The following SMC6 variants were observed in gnomAD, a reference collection of about 807,000 sequenced individuals.
The protein encoded by SMC6 is structural maintenance of chromosomes protein 6.
A neutral mutation model predicts 142.2 loss-of-function variants in SMC6; 79 were observed. The observed-to-expected ratio is 0.56, with a 90% CI of 0.46 to 0.67. The LOEUF is 0.67. SMC6 is among the 30% of genes least tolerant of loss of function. The pLI is 0.00. For missense variants in SMC6, 1,072 were observed against 1,284.0 expected (o/e 0.83, Z 2.52); for synonymous variants, 411 against 412.4 (o/e 1.00, Z 0.04).
At chr2:17,744,335 G>C (rs542006666) in intron 3 of SMC6, among the ~76,000 whole-genome samples, 3 of 152,100 alleles carry the variant, frequency 2.0e-5, no homozygotes, top group Non-Finnish European at 4.4e-5. Flanking sequence ...TTTTTTGAGT[G>C]ATTGAAAATG....
intron 9 of SMC6, among the ~76,000 whole-genome samples, chr2:17,722,205 A>C (rs555016980): frequency 6.6e-6 from 1 of 152,186 alleles, no homozygotes; most frequent in Admixed American, 6.5e-5. Context: ...AGCTTAGACA[A>C]TTAGAAGCCA....
Position 17,716,206 on chromosome 2 carries a change from A to G in SMC6, c.1405T>C (p.Leu469=), listed in dbSNP as rs892668570. 7.4e-6 allele frequency: 12 copies of G among 1,612,514 alleles called. No homozygotes were observed. Among genetic ancestry groups the G allele is most frequent in the African/African-American group, 5.3e-5 (4 of 74,842 alleles). ...LSYNQRQLKE[L]KDSKTDRLKR... ...AGTCGATCAGTTTTACTATCTTTCA[A>G]TTCTTTCAGTTGCCTCTGATTGTAG... Residue 469 remains leucine, a synonymous_variant, in exon 15 of 28, where the codon TTG becomes CTG. Transcript: ENST00000448223.
At chr2:17,682,811 T>C (rs1206785810) in intron 24 of SMC6, among the ~76,000 whole-genome samples, 2 of 151,758 alleles carry the variant, frequency 1.3e-5, no homozygotes, top group Non-Finnish European at 2.9e-5. Context: ...CCTACTAATA[T>C]GCCTGTAAAA....
chr2:17,730,594 T>A (rs1464347720), intron 7 of SMC6, among the ~76,000 whole-genome samples: 1 of 147,246 alleles, frequency 6.8e-6, no homozygotes, highest in African/African-American at 2.6e-5. Context: ...TGTGTTGAAT[T>A]AATAAATTCT....
chr2:17,725,383 G>T (rs751855418), intron 8 of SMC6, 25 bp from the exon 9 acceptor site: 3 of 1,475,564 alleles, frequency 2.0e-6, no homozygotes, highest in Admixed American at 4.4e-5. Context: ...AAAAAAAAAC[G>T]CAATTAGGAG....
At chr2:17,733,168 T>C (rs1279917632) in intron 5 of SMC6, among the ~76,000 whole-genome samples, 2 of 152,208 alleles carry the variant, frequency 1.3e-5, no homozygotes, top group Admixed American at 6.5e-5. Flanking sequence ...TCTAAAACTG[T>C]TCCCATTTGT....
At position 17,745,820 on chromosome 2, in the gene SMC6, C is replaced by T. The variant is rs370247258; in HGVS notation, c.120+7G>A. 1.5e-5 allele frequency: 24 copies of T among 1,591,138 alleles called. No homozygotes were observed. Among genetic ancestry groups the T allele is most frequent in the African/African-American group, 9.5e-5 (7 of 73,654 alleles). ...CAAAAAGCATAATTTTGTAATTTTT[C>T]GCTTACCAAAGTAGTACCTTTACAT... On this transcript the variant is annotated splice_region_variant and intron_variant, in intron 3 of 27. Transcript: ENST00000448223.
intron 5 of SMC6, among the ~76,000 whole-genome samples, chr2:17,734,111 G>A (rs969007919): frequency 6.6e-6 from 1 of 152,072 alleles, no homozygotes; most frequent in Admixed American, 6.6e-5. Flanking sequence ...AAACCAATGG[G>A]AGGGAGAGGA....
rs919502877 is a variant in SMC6 at position 17,700,329 on chromosome 2, T to C, written c.2273A>G (p.His758Arg). The change falls in exon 21 of 28, where the codon CAT (histidine) becomes CGT (arginine). Residue 758 changes from histidine (H) to arginine (R), a missense_variant. Physicochemically the swap from His to Arg is conservative, Grantham distance 29. Transcript: ENST00000448223. ...NKSKMKMVEEHMEQQKENMEH... is the reference protein window; with the variant it reads ...NKSKMKMVEERMEQQKENMEH... Reference sequence around the variant, plus strand: ...CATATTTTCTTTTTGTTGCTCCATATGTTCCTCAACCATTTTCATTTTGCT... The same window carrying C: ...CATATTTTCTTTTTGTTGCTCCATACGTTCCTCAACCATTTTCATTTTGCT... 2.5e-6 allele frequency: 4 copies of C among 1,610,590 alleles called. No homozygotes were observed. The highest frequency in any genetic ancestry group is 2.2e-5 in the South Asian group (2 of 90,238).
intron 8 of SMC6, among the ~76,000 whole-genome samples, chr2:17,726,076 A>C (rs1264605706): frequency 8.6e-6 from 1 of 116,670 alleles, no homozygotes; most frequent in African/African-American, 3.5e-5. Context: ...AGACAGAGCA[A>C]GGCTCTGTCT....
chr2:17,679,764 T>C (rs1251139091), intron 24 of SMC6: 2 of 152,454 alleles, frequency 1.3e-5, no homozygotes, highest in Non-Finnish European at 2.9e-5. Context: ...ATGAGGCTCA[T>C]CTGTACCTTC....
At chr2:17,700,069 T>C (rs1412482494) in intron 21 of SMC6, 139 bp downstream of exon 21, 3 of 505,166 alleles carry the variant, frequency 5.9e-6, no homozygotes, top group Non-Finnish European at 1.0e-5. Context: ...GAAAGTTTGG[T>C]TCCCACCATT....
intron 16 of SMC6, among the ~76,000 whole-genome samples, chr2:17,709,485 T>C (rs1668714900): frequency 6.6e-6 from 1 of 152,182 alleles, no homozygotes. Flanking sequence ...GAGCAATGAA[T>C]GGCTGAGGAG....
At chr2:17,753,212 C>G in intron 1 of SMC6, 148 bp from the exon 2 acceptor site, 1 of 152,990 alleles carries the variant, frequency 6.5e-6, no homozygotes, top group Non-Finnish European at 1.4e-5. Context: ...TTTAAACACA[C>G]CAGTTGCCGC....
intron 26 of SMC6, 36 bp downstream of exon 26, chr2:17,670,387 A>C (rs901620454): frequency 6.3e-7 from 1 of 1,581,062 alleles, no homozygotes; most frequent in African/African-American, 1.4e-5. Flanking sequence ...CAAACAAACA[A>C]AAAAATGAAA....
chr2:17,680,100 T>C (rs771488581), intron 24 of SMC6: 1 of 152,156 alleles, frequency 6.6e-6, no homozygotes, highest in Non-Finnish European at 1.5e-5. Flanking sequence ...CTTCCATTCA[T>C]GGGATGTCTA....
intron 24 of SMC6, chr2:17,681,927 A>G (rs1667255993): frequency 6.6e-6 from 1 of 152,216 alleles, no homozygotes; most frequent in South Asian, 2.1e-4. Context: ...ATATTTGTAA[A>G]GTGCAGTAAA....
At chr2:17,699,346 A>G (rs1668160941) in intron 21 of SMC6, among the ~76,000 whole-genome samples, 1 of 152,080 alleles carries the variant, frequency 6.6e-6, no homozygotes, top group Non-Finnish European at 1.5e-5. Flanking sequence ...CCTTTTCTAT[A>G]TAAGGTTTTC....
chr2:17,733,955 T>A (rs189851470), intron 5 of SMC6, among the ~76,000 whole-genome samples: 4 of 152,300 alleles, frequency 2.6e-5, no homozygotes, highest in Non-Finnish European at 4.4e-5. Flanking sequence ...GAAGTACACA[T>A]ACTTGAGACA....
Sources: gnomAD v4.1 joint callset for allele counts (sites outside exome capture counted in the v4.1 genomes callset) on GRCh38, gnomAD v4.1.1 for gene constraint, MANE v1.5 for transcripts, NCBI Gene and HGNC (gene_info 2026-07-23, HGNC 2026-07-21) for gene names.